The following DMD variants were observed in gnomAD, a reference collection of about 807,000 sequenced individuals.
The protein encoded by DMD is dystrophin.
A neutral mutation model predicts 330.1 loss-of-function variants in DMD; 63 were observed. The ratio of observed to expected loss-of-function variants is 0.19; its 90% CI spans 0.16 to 0.24. The LOEUF (loss-of-function observed/expected upper bound fraction) is 0.24, where lower values mean the gene tolerates loss of function less well. DMD is among the 10% of genes least tolerant of loss of function. The pLI, the probability that DMD is intolerant of heterozygous loss-of-function variation, is 1.00. For missense variants in DMD, 3,344 were observed against 2,684.1 expected (o/e 1.25, Z -5.43); for synonymous variants, 1,223 against 959.8 (o/e 1.27, Z -5.07).
chrX:31,609,562 A>G (rs2077794401), intron 55 of DMD, among the ~76,000 whole-genome samples: 1 of 111,775 alleles, frequency 8.9e-6, no homozygotes, highest in South Asian at 3.7e-4. Flanking sequence ...GTTTCCAATT[A>G]CAACTTACTT....
At chrX:32,892,600 G>C (rs772171887) in intron 2 of DMD, among the ~76,000 whole-genome samples, 9 of 111,240 alleles carry the variant, frequency 8.1e-5, no homozygotes, top group African/African-American at 2.9e-4. Context: ...GTTTCACCAT[G>C]TTGGCCAGGA....
intron 54 of DMD, among the ~76,000 whole-genome samples, chrX:31,631,856 G>A (rs2079150003): frequency 9.0e-6 from 1 of 111,564 alleles, no homozygotes; most frequent in African/African-American, 3.3e-5. Context: ...CTGAACTTTT[G>A]GTTGCCCTTT....
chrX:32,005,714 C>A (rs1196796535), intron 44 of DMD, among the ~76,000 whole-genome samples: 1 of 110,810 alleles, frequency 9.0e-6, no homozygotes, highest in African/African-American at 3.3e-5. Context: ...TATCAAATAT[C>A]ATTTTTCTAA....
intron 55 of DMD, among the ~76,000 whole-genome samples, chrX:31,624,028 T>C: frequency 9.0e-6 from 1 of 111,566 alleles, no homozygotes; most frequent in Non-Finnish European, 1.9e-5. Context: ...TGGTAGTACT[T>C]TGAACCATGA....
chrX:33,331,256 A>G (rs1442597947), intron 1 of DMD, among the ~76,000 whole-genome samples: 4 of 111,598 alleles, frequency 3.6e-5, no homozygotes, highest in Non-Finnish European at 7.5e-5. Flanking sequence ...GGAACCTGAG[A>G]TTCCTACTCA....
rs1285159164 is a variant in DMD, at chrX:32,365,135, G to A, written c.4910C>T (p.Ala1637Val). ...CTTCTTGCCCAAAACTGTTTTCAAG[G>A]CCTCTCCTACCTCTGTGATACTCTT... Reference protein sequence around the residue: ...HLKSITEVGEALKTVLGKKET... With the variant: ...HLKSITEVGEVLKTVLGKKET... Residue 1637 changes from alanine (A) to valine (V), a missense_variant, in exon 35 of 79, where the codon GCC becomes GTC. Physicochemically the swap from Ala to Val is moderately conservative, Grantham distance 64. Transcript: ENST00000357033. 1.7e-6 allele frequency: 2 copies of A among 1,208,241 alleles called. No homozygotes were observed. The highest frequency in any genetic ancestry group is 2.2e-6 in the Non-Finnish European group (2 of 894,505).
intron 44 of DMD, among the ~76,000 whole-genome samples, chrX:32,098,447 C>G (rs1179784171): frequency 9.0e-6 from 1 of 111,570 alleles, no homozygotes; most frequent in African/African-American, 3.3e-5. Context: ...ATGGCATGCC[C>G]ACCCTGTCTT....
At chrX:31,911,939 A>G (rs2094552928) in intron 47 of DMD, among the ~76,000 whole-genome samples, 1 of 112,070 alleles carries the variant, frequency 8.9e-6, no homozygotes, top group Non-Finnish European at 1.9e-5. Context: ...GAGCGAAAAT[A>G]AAAGTATCGT....
chrX:31,720,273 G>A (rs1263829289), intron 52 of DMD, among the ~76,000 whole-genome samples: 3 of 112,143 alleles, frequency 2.7e-5, no homozygotes. Context: ...AGAAGTAGTA[G>A]GTACAAAATA....
At chrX:32,398,773 G>C (rs778497243) in intron 30 of DMD, among the ~76,000 whole-genome samples, 2 of 111,443 alleles carry the variant, frequency 1.8e-5, no homozygotes, top group Non-Finnish European at 3.8e-5. Context: ...AGCAGACCCA[G>C]AATAGCCAAA....
chrX:33,275,657 G>T (rs971413497), intron 1 of DMD, among the ~76,000 whole-genome samples: 1 of 111,452 alleles, frequency 9.0e-6, no homozygotes, highest in Non-Finnish European at 1.9e-5. Flanking sequence ...CAAAGAAAAA[G>T]TGGGATTGTG....
intron 6 of DMD, among the ~76,000 whole-genome samples, chrX:32,814,496 C>T (rs189382095): frequency 4.1e-4 from 46 of 111,962 alleles, no homozygotes; most frequent in African/African-American, 1.3e-3. Context: ...GAGAGTTCAA[C>T]CATTTTTTTC....
chrX:33,317,111 G>GT (rs1370549990), intron 1 of DMD, among the ~76,000 whole-genome samples: 6 of 109,819 alleles, frequency 5.5e-5, no homozygotes, highest in Non-Finnish European at 7.6e-5. Flanking sequence ...TATTTTGAAG[G>GT]TTTTTTTTCT....
At chrX:33,262,152 A>G (rs919669329) in intron 1 of DMD, among the ~76,000 whole-genome samples, 1 of 111,981 alleles carries the variant, frequency 8.9e-6, no homozygotes, top group Non-Finnish European at 1.9e-5. Context: ...GAAAAAAGCT[A>G]TAAATGTTGG....
chrX:32,951,473 T>G (rs756936996), intron 2 of DMD, among the ~76,000 whole-genome samples: 1 of 112,031 alleles, frequency 8.9e-6, no homozygotes, highest in Admixed American at 9.5e-5. Flanking sequence ...AGTGGGCTAT[T>G]GAACAAAGAA....
chrX:32,380,799 TTAAAATAA>T, intron 33 of DMD, 119 bp from the exon 34 acceptor site: 1 of 573,879 alleles, frequency 1.7e-6, no homozygotes, highest in Non-Finnish European at 2.7e-6. Context: ...CTTACACGTT[TTAAAATAA>T]TATTTTATAA....
intron 44 of DMD, among the ~76,000 whole-genome samples, chrX:32,113,364 A>G (rs1159289141): frequency 1.8e-5 from 2 of 112,862 alleles, no homozygotes; most frequent in Non-Finnish European, 3.7e-5. Flanking sequence ...GGATACAGAA[A>G]TATCCTTATT....
chrX:33,078,932 C>T (rs2094884314), intron 1 of DMD, among the ~76,000 whole-genome samples: 1 of 112,177 alleles, frequency 8.9e-6, no homozygotes, highest in South Asian at 3.6e-4. Context: ...ATTCACTCTT[C>T]TATTTGAAAG....
At chrX:31,975,258 G>T (rs2095427769) in intron 44 of DMD, among the ~76,000 whole-genome samples, 1 of 111,720 alleles carries the variant, frequency 9.0e-6, no homozygotes, top group African/African-American at 3.3e-5. Context: ...CAATCATTCT[G>T]TAAAGGCATT....
Sources: gnomAD v4.1 joint callset for allele counts (sites outside exome capture counted in the v4.1 genomes callset) on GRCh38, gnomAD v4.1.1 for gene constraint, MANE v1.5 for transcripts, NCBI Gene and HGNC (gene_info 2026-07-23, HGNC 2026-07-21) for gene names.